MON2: variants seen among roughly 807,000 people sequenced by gnomAD.
The protein encoded by MON2 is MON2 regulator of endosome-to-Golgi trafficking, also known as protein MON2 homolog.
In MON2, 84 loss-of-function variants were observed where a neutral mutation model predicts 208.6. The ratio of observed to expected loss-of-function variants is 0.40; its 90% CI spans 0.34 to 0.48. The LOEUF (loss-of-function observed/expected upper bound fraction) is 0.48. MON2 is among the 20% of genes least tolerant of loss of function. The probability of loss-of-function intolerance (pLI) is 0.59; values close to 1 mark genes in which losing one functional copy is unlikely to be tolerated. For missense variants in MON2, 1,611 were observed against 2,015.4 expected, an observed-to-expected ratio of 0.80 and a Z score of 3.84; for synonymous variants, 660 against 694.0, an observed-to-expected ratio of 0.95 and a Z score of 0.77.
At chr12:62,495,909 T>C (rs2070450897) in intron 4 of MON2, among the ~76,000 whole-genome samples, 1 of 152,072 alleles carries the variant, frequency 6.6e-6, no homozygotes, top group Non-Finnish European at 1.5e-5. Context: ...CCACCCACTT[T>C]GGAACATGTA....
At chr12:62,584,757 A>C (rs2075139508) in intron 32 of MON2, among the ~76,000 whole-genome samples, 1 of 149,484 alleles carries the variant, frequency 6.7e-6, no homozygotes, top group Non-Finnish European at 1.5e-5. Context: ...ATCTAACTTG[A>C]GAGAATGGAA....
Position 62,560,582 on chromosome 12 carries a change from A to G in MON2, c.3501A>G (p.Lys1167=). 1 of 1,614,102 alleles carries G rather than the reference A, an allele frequency of 6.2e-7. No individual in the cohort carries two copies. Among genetic ancestry groups the G allele is most frequent in the South Asian group, 1.1e-5 (1 of 91,078 alleles). Residue 1167 remains lysine (K), a synonymous_variant, in exon 26 of 35, where the codon AAA becomes AAG. Transcript: ENST00000393630. The part of the protein sequence containing the change: ...KNNEVSLAAL[K]SFQEILQIVS... The stretch of plus-strand genomic sequence containing the variant: ...ATGAAGTATCTCTGGCTGCTCTGAA[A>G]AGCTTCCAGGAAATTTTACAGATTG...
rs756228463 is a variant in MON2, at chr12:62,501,638, G to C, written c.729G>C (p.Arg243=). Residue 243 remains arginine, a synonymous_variant, in exon 7 of 35, where the codon CGG becomes CGC. Transcript: ENST00000393630. The part of the protein sequence containing the change: ...YWLVGMTEMT[R]TFGLELLESV... ...TAGTGGGCATGACAGAAATGACTCG[G>C]ACGTTTGGCCTCGAATTACTTGAGT... The C allele has an allele frequency of 1.4e-5, 22 of 1,614,044 alleles. No homozygotes were observed. The highest frequency in any genetic ancestry group is 1.8e-5 in the Non-Finnish European group (21 of 1,179,994).
chr12:62,560,475 TC>T lies in MON2; in HGVS notation c.3410-15del, dbSNP rs1592399132. The T allele has an allele frequency of 1.3e-6, 2 of 1,565,364 alleles. No homozygotes were observed. The highest frequency in any genetic ancestry group is 1.7e-6 in the Non-Finnish European group (2 of 1,162,264). Reference sequence around the variant, plus strand: ...CGCTTTTATGATAATAGTTTTTTTTTCTCTTCCTAATATAGGAGATTTTTCA... The same window carrying T: ...CGCTTTTATGATAATAGTTTTTTTTTTCTTCCTAATATAGGAGATTTTTCA... On this transcript the variant is annotated splice_polypyrimidine_tract_variant and intron_variant, in intron 25 of 34. Transcript: ENST00000393630.
chr12:62,481,083 C>T (rs1352152459), intron 1 of MON2, among the ~76,000 whole-genome samples: 1 of 152,134 alleles, frequency 6.6e-6, no homozygotes, highest in African/African-American at 2.4e-5. Context: ...GTGGTTTGTA[C>T]ATCTTCAAGG....
chr12:62,505,240 A>G (rs945851747), intron 7 of MON2, among the ~76,000 whole-genome samples: 2 of 152,218 alleles, frequency 1.3e-5, no homozygotes, highest in Non-Finnish European at 2.9e-5. Flanking sequence ...ATTCATATAT[A>G]TACTAATTTC....
At chr12:62,499,452 C>G (rs939827067) in intron 5 of MON2, among the ~76,000 whole-genome samples, 48 of 152,096 alleles carry the variant, frequency 3.2e-4, no homozygotes, top group African/African-American at 1.2e-3. Flanking sequence ...TGTTTTATAA[C>G]TGTTTTGGGT....
At chr12:62,539,034 C>A (rs1289514298) in intron 19 of MON2, among the ~76,000 whole-genome samples, 1 of 151,968 alleles carries the variant, frequency 6.6e-6, no homozygotes, top group Non-Finnish European at 1.5e-5. Flanking sequence ...ACATTTCTTT[C>A]TATACTACTA....
At chr12:62,590,825 G>A (rs1012867379) in intron 34 of MON2, among the ~76,000 whole-genome samples, 3 of 152,068 alleles carry the variant, frequency 2.0e-5, no homozygotes, top group Non-Finnish European at 2.9e-5. Flanking sequence ...GGACCACCAC[G>A]TCTGGCTAAT....
At chr12:62,546,069 A>G (rs1022680013) in intron 21 of MON2, among the ~76,000 whole-genome samples, 4 of 152,122 alleles carry the variant, frequency 2.6e-5, no homozygotes, top group Admixed American at 2.0e-4. Flanking sequence ...TGCTTTTTTT[A>G]AGTCTCCAAC....
At chr12:62,558,146 T>C (rs2074065122) in intron 25 of MON2, among the ~76,000 whole-genome samples, 1 of 150,484 alleles carries the variant, frequency 6.6e-6, no homozygotes, top group South Asian at 2.1e-4. Flanking sequence ...GCCCGGCTAA[T>C]TTTGTATTTT....
intron 2 of MON2, among the ~76,000 whole-genome samples, chr12:62,489,871 A>T (rs956822625): frequency 6.6e-6 from 1 of 152,078 alleles, no homozygotes; most frequent in Non-Finnish European, 1.5e-5. Flanking sequence ...CCAGAACTAG[A>T]TTTTAAGCAT....
At chr12:62,566,489 T>C (rs2074390158) in intron 29 of MON2, 39 bp downstream of exon 29, 1 of 1,555,064 alleles carries the variant, frequency 6.4e-7, no homozygotes. Flanking sequence ...TTAGATGGTG[T>C]GAACATTATT....
Position 62,524,449 on chromosome 12 carries a change from A to G in MON2, c.985-66A>G. 3.0e-6 allele frequency: 4 copies of G among 1,337,846 alleles called. No homozygotes were observed. The South Asian group carries it at 5.1e-5, about 17-fold the overall frequency. 82.9% of individuals were successfully genotyped at this position (1,337,846 alleles called of 1,614,324 possible). A position where few individuals can be genotyped will look rare whatever the true frequency, so the allele number is the denominator to read the frequency against. On this transcript the variant is annotated intron_variant, in intron 8 of 34. Coordinates refer to ENST00000393630, the MANE Select transcript of MON2 (RefSeq NM_015026.3). ...TTGTCCATAGCACTAAGTTAAGAATAAGAACACAGTCTATAATTCTTCTCT... is the reference window on the plus strand; with the variant it reads ...TTGTCCATAGCACTAAGTTAAGAATGAGAACACAGTCTATAATTCTTCTCT...
At chr12:62,502,056 C>T (rs573252846) in intron 7 of MON2, among the ~76,000 whole-genome samples, 1 of 152,122 alleles carries the variant, frequency 6.6e-6, no homozygotes, top group South Asian at 2.1e-4. Flanking sequence ...CCTGTCTCTA[C>T]TAAAAATACA....
rs2136309018 is a variant in MON2 at position 62,553,186 on chromosome 12, T to C, written c.3210+12T>C. ...CTGTTATCTGGAAGGTATTGTAAAA[T>C]AGATTGGACTATCAGCTTTTAATGA... On this transcript the variant is annotated intron_variant, in intron 24 of 34. Coordinates refer to ENST00000393630, the MANE Select transcript of MON2 (RefSeq NM_015026.3). The C allele has an allele frequency of 1.2e-6, 2 of 1,606,732 alleles. No homozygotes were observed. Among genetic ancestry groups the C allele is most frequent in the Middle Eastern group, 1.7e-4 (1 of 6,022 alleles).
chr12:62,558,084 C>T (rs1317479563), intron 25 of MON2, among the ~76,000 whole-genome samples: 2 of 144,362 alleles, frequency 1.4e-5, no homozygotes, highest in African/African-American at 2.6e-5. Flanking sequence ...AAGCGATTCT[C>T]CTGCCTCAGC....
chr12:62,477,166 A>T (rs2069134287), intron 1 of MON2, among the ~76,000 whole-genome samples: 1 of 152,094 alleles, frequency 6.6e-6, no homozygotes, highest in South Asian at 2.1e-4. Context: ...TCCTTACACT[A>T]CTGTTGATAG....
At chr12:62,551,051 C>T (rs1309250402) in intron 23 of MON2, among the ~76,000 whole-genome samples, 1 of 151,420 alleles carries the variant, frequency 6.6e-6, no homozygotes, top group Non-Finnish European at 1.5e-5. Flanking sequence ...TCCCATGTAG[C>T]TGGAATTATA....
Sources: gnomAD v4.1 joint callset for allele counts (sites outside exome capture counted in the v4.1 genomes callset) on GRCh38, gnomAD v4.1.1 for gene constraint, MANE v1.5 for transcripts, NCBI Gene and HGNC (gene_info 2026-07-23, HGNC 2026-07-21) for gene names.